ARHGEF7: variants seen among roughly 807,000 people sequenced by gnomAD.
The protein encoded by ARHGEF7 is Rho guanine nucleotide exchange factor 7.
ARHGEF7 carries 33 observed loss-of-function variants against 109.8 expected under a neutral mutation model. That is an observed-to-expected ratio of 0.30 (90% CI 0.23 to 0.40). The LOEUF (loss-of-function observed/expected upper bound fraction) is 0.40, where lower values mean the gene tolerates loss of function less well. Ranked by LOEUF, ARHGEF7 falls within the 10% of genes least tolerant of loss-of-function variation. ARHGEF7 has a pLI of 1.00. For missense variants in ARHGEF7, 938 were observed against 1,098.5 expected (o/e 0.85, Z 2.07); for synonymous variants, 458 against 424.6 (o/e 1.08, Z -0.97).
intron 1 of ARHGEF7, among the ~76,000 whole-genome samples, chr13:111,132,509 A>G (rs1181793037): frequency 6.6e-6 from 1 of 152,216 alleles, no homozygotes; most frequent in African/African-American, 2.4e-5. Context: ...AAGTCAATGT[A>G]TAAGTTTTAG....
chr13:111,139,795 G>C (rs2075266167), intron 1 of ARHGEF7, among the ~76,000 whole-genome samples: 1 of 152,260 alleles, frequency 6.6e-6, no homozygotes, highest in South Asian at 2.1e-4. Flanking sequence ...AGAGGAAACT[G>C]AGCCATGGGC....
At chr13:111,141,734 T>G (rs956298276) in intron 1 of ARHGEF7, among the ~76,000 whole-genome samples, 5 of 152,222 alleles carry the variant, frequency 3.3e-5, no homozygotes, top group Non-Finnish European at 5.9e-5. Flanking sequence ...TTGAAGTACA[T>G]CCTGGTTGCT....
In ARHGEF7 at chr13:111,123,681, T is replaced by G. The variant is rs75716302; in HGVS notation, c.165+7990T>G. On this transcript the variant is annotated intron_variant, in intron 1 of 21. Coordinates refer to ENST00000646102, the MANE Select transcript of ARHGEF7 (RefSeq NM_001354046.2). ...AAATCTTATTAAGACTAATCAGAGA[T>G]AATATCTATTGAGTGCATACTGTAT... Among the ~76,000 whole-genome samples, 381 of 152,372 alleles carry G rather than the reference T, an allele frequency of 2.5e-3. 8 individuals are homozygous for G. In the East Asian group the frequency reaches 0.042, roughly 17 times the overall value.
At chr13:111,127,379 C>T (rs2067636370) in intron 1 of ARHGEF7, among the ~76,000 whole-genome samples, 1 of 151,932 alleles carries the variant, frequency 6.6e-6, no homozygotes, top group Non-Finnish European at 1.5e-5. Flanking sequence ...AAAAATTGGG[C>T]CAGGTGCAGT....
chr13:111,214,110 C>T (rs541579577), intron 4 of ARHGEF7, among the ~76,000 whole-genome samples: 28 of 152,332 alleles, frequency 1.8e-4, no homozygotes, highest in African/African-American at 2.4e-4. Context: ...TTGGATTCCC[C>T]GCTCTCTTAG....
chr13:111,253,926 C>T lies in ARHGEF7; in HGVS notation c.950+9632C>T, dbSNP rs1033331859. 5.9e-5 allele frequency among the ~76,000 whole-genome samples: 9 copies of T among 152,194 alleles called. No homozygotes were observed. In the South Asian group the frequency reaches 8.3e-4, roughly 14 times the overall value. On this transcript the variant is annotated intron_variant, in intron 8 of 21. Coordinates refer to ENST00000646102, the MANE Select transcript of ARHGEF7 (RefSeq NM_001354046.2). ...GCATGCCACCATGTGATACATGGGACGCCTTTTCCTCATGGAGTTTCACAT... is the reference window on the plus strand; with the variant it reads ...GCATGCCACCATGTGATACATGGGATGCCTTTTCCTCATGGAGTTTCACAT...
chr13:111,302,320 C>G (rs942016766), intron 21 of ARHGEF7, among the ~76,000 whole-genome samples: 1 of 152,126 alleles, frequency 6.6e-6, no homozygotes, highest in Non-Finnish European at 1.5e-5. Context: ...GGTCCTCTGC[C>G]CAGCTAGGTG....
Position 111,266,454 on chromosome 13 carries a change from TCTG to T in ARHGEF7, c.951-1091_951-1089del, listed in dbSNP as rs1428027174. ...CGTGTGATGATTTCTTTGATTGACT[TCTG>T]CTTATATTTTTGGTTTTCTGTATCA... On this transcript the variant is annotated intron_variant, in intron 8 of 21. Transcript: ENST00000646102. This position sits in a 1 kb window ranked among gnomAD's most constrained non-coding sequence, Gnocchi z 4.8. 6.6e-6 allele frequency among the ~76,000 whole-genome samples: 1 copy of T among 152,224 alleles called. No homozygotes were observed. Among genetic ancestry groups the T allele is most frequent in the Non-Finnish European group, 1.5e-5 (1 of 68,038 alleles).
intron 6 of ARHGEF7, among the ~76,000 whole-genome samples, chr13:111,237,275 C>G (rs1216097905): frequency 2.0e-5 from 3 of 151,824 alleles, no homozygotes; most frequent in Non-Finnish European, 4.4e-5. Context: ...GATTAATAGA[C>G]AAATGGGAAA....
At chr13:111,186,164 C>T (rs1215368187) in intron 2 of ARHGEF7, among the ~76,000 whole-genome samples, 2 of 152,082 alleles carry the variant, frequency 1.3e-5, no homozygotes, top group Admixed American at 6.6e-5. Context: ...AGGTTGCGCC[C>T]GGTCTGCAGA....
intron 19 of ARHGEF7, chr13:111,293,350 C>G (rs1209662315): frequency 1.0e-6 from 1 of 985,076 alleles, no homozygotes; most frequent in African/African-American, 1.8e-5. Flanking sequence ...TACAGCAACC[C>G]CATAGTATAA....
chr13:111,175,897 C>T (rs1456886021), intron 2 of ARHGEF7, among the ~76,000 whole-genome samples: 8 of 152,190 alleles, frequency 5.3e-5, no homozygotes, highest in Admixed American at 1.3e-4. Context: ...GAAGCAAACA[C>T]GTCCTTCTTT....
intron 19 of ARHGEF7, chr13:111,295,270 C>T (rs1320288275): frequency 1.1e-6 from 1 of 902,326 alleles, no homozygotes; most frequent in African/African-American, 1.8e-5. Flanking sequence ...GGCTCTTCTA[C>T]CTGAACGGAA....
intron 8 of ARHGEF7, among the ~76,000 whole-genome samples, chr13:111,250,526 G>T (rs2089608009): frequency 6.6e-6 from 1 of 152,230 alleles, no homozygotes; most frequent in South Asian, 2.1e-4. Flanking sequence ...ACTGAGCACT[G>T]AGGGGTAAAT....
At chr13:111,175,969 T>C (rs1016522831) in intron 2 of ARHGEF7, among the ~76,000 whole-genome samples, 4 of 152,098 alleles carry the variant, frequency 2.6e-5, no homozygotes, top group Admixed American at 2.0e-4. Context: ...TATTAAACCA[T>C]CAGATCTTGT....
At chr13:111,257,638 G>T (rs565964385) in intron 8 of ARHGEF7, among the ~76,000 whole-genome samples, 1 of 152,220 alleles carries the variant, frequency 6.6e-6, no homozygotes, top group Non-Finnish European at 1.5e-5. Context: ...GAGTGATCAC[G>T]GTGCCTGGTT....
At chr13:111,163,815 A>G (rs1008769335) in intron 2 of ARHGEF7, among the ~76,000 whole-genome samples, 2 of 152,214 alleles carry the variant, frequency 1.3e-5, no homozygotes, top group African/African-American at 4.8e-5. Context: ...GATTATAGGC[A>G]TGAGCCGCTG....
rs574139082 is a variant in ARHGEF7 at position 111,143,056 on chromosome 13, A to G, written c.166-10849A>G. On this transcript the variant is annotated intron_variant, in intron 1 of 21. Transcript: ENST00000646102. ...GTAGGACACTTCAGAAGCAAATCTG[A>G]GTGGTGGAGGCAAACAAAGGCAGGG... is the stretch of plus-strand genomic sequence containing the variant. 9.2e-5 allele frequency among the ~76,000 whole-genome samples: 14 copies of G among 152,258 alleles called. No homozygotes were observed. In the East Asian group the frequency reaches 1.9e-3, roughly 21 times the overall value.
At chr13:111,162,572 AAGG>A (rs2076828073) in intron 2 of ARHGEF7, among the ~76,000 whole-genome samples, 1 of 152,176 alleles carries the variant, frequency 6.6e-6, no homozygotes, top group African/African-American at 2.4e-5. Context: ...GAGACTTCAG[AAGG>A]AGTTCAGGTG....
Sources: allele counts gnomAD v4.1 joint callset (sites outside exome capture counted in the v4.1 genomes callset), GRCh38; gene constraint gnomAD v4.1.1; non-coding constraint Gnocchi (gnomAD v3.1); transcripts MANE v1.5; gene names NCBI Gene and HGNC (gene_info 2026-07-23, HGNC 2026-07-21).